The following KCNH8 variants were observed in gnomAD, a reference collection of about 807,000 sequenced individuals.
KCNH8 encodes voltage-gated delayed rectifier potassium channel KCNH8.
In KCNH8, 70 loss-of-function variants were observed where a neutral mutation model predicts 103.6. The observed-to-expected ratio is 0.68, with a 90% CI of 0.56 to 0.82. KCNH8 has a LOEUF of 0.82. Among genes scored for constraint, KCNH8 ranks in the 40% least tolerant of loss-of-function variants. The probability of loss-of-function intolerance (pLI) is 0.00; values close to 1 mark genes in which losing one functional copy is unlikely to be tolerated. For synonymous variants in KCNH8, 498 were observed against 489.4 expected (o/e 1.02, Z -0.23); for missense variants, 1,217 against 1,329.9 (o/e 0.92, Z 1.32).
intron 1 of KCNH8, among the ~76,000 whole-genome samples, chr3:19,239,451 A>G (rs1211480868): frequency 6.6e-6 from 1 of 152,232 alleles, no homozygotes; most frequent in Non-Finnish European, 1.5e-5. Context: ...GATACTTTCA[A>G]ACTGACTTAT....
chr3:19,491,384 T>G (rs2068317849), intron 11 of KCNH8, among the ~76,000 whole-genome samples: 1 of 152,224 alleles, frequency 6.6e-6, no homozygotes, highest in African/African-American at 2.4e-5. Flanking sequence ...TATGTACATG[T>G]GTACTCATTG....
intron 11 of KCNH8, among the ~76,000 whole-genome samples, chr3:19,492,889 T>C (rs1052220653): frequency 6.8e-6 from 1 of 147,130 alleles, no homozygotes; most frequent in Non-Finnish European, 1.5e-5. Context: ...GTGTGTGATT[T>C]CTGACTTCTT....
chr3:19,534,232 A>C lies in KCNH8; in HGVS notation c.*133A>C, dbSNP rs959001129. On this transcript the variant is annotated 3_prime_UTR_variant, in exon 16 of 16. Coordinates refer to ENST00000328405, the MANE Select transcript of KCNH8 (RefSeq NM_144633.3). ...CCTGCAGAAAAGAGTGTGAGGAGCCAGGGAAAGGCAGAACCACCTCCATGC... is the reference window on the plus strand; with the variant it reads ...CCTGCAGAAAAGAGTGTGAGGAGCCCGGGAAAGGCAGAACCACCTCCATGC... The C allele has an allele frequency of 1.2e-5, 8 of 656,308 alleles. No individual in the cohort carries two copies. In the Admixed American group the frequency reaches 2.0e-4, roughly 17 times the overall value. 40.7% of individuals were successfully genotyped at this position (656,308 alleles called of 1,614,324 possible).
intron 5 of KCNH8, among the ~76,000 whole-genome samples, chr3:19,362,319 A>G (rs1408549182): frequency 6.6e-6 from 1 of 151,880 alleles, no homozygotes; most frequent in Non-Finnish European, 1.5e-5. Flanking sequence ...TGAGGATGTG[A>G]CAAGACAGGG....
At chr3:19,247,407 T>C (rs2064220289) in intron 1 of KCNH8, among the ~76,000 whole-genome samples, 1 of 152,210 alleles carries the variant, frequency 6.6e-6, no homozygotes, top group African/African-American at 2.4e-5. Context: ...TCTATCTTCC[T>C]ATACAAAGTA....
At chr3:19,215,389 G>A (rs187230788) in intron 1 of KCNH8, among the ~76,000 whole-genome samples, 1 of 152,288 alleles carries the variant, frequency 6.6e-6, no homozygotes, top group Admixed American at 6.5e-5. Context: ...AGAGACCTGG[G>A]AGAACCATGA....
At chr3:19,304,492 A>T (rs779767573) in intron 3 of KCNH8, among the ~76,000 whole-genome samples, 3 of 152,132 alleles carry the variant, frequency 2.0e-5, no homozygotes, top group African/African-American at 7.2e-5. Flanking sequence ...TACGATATTC[A>T]TGAAATAAAT....
At chr3:19,482,662 G>C (rs1011566679) in intron 11 of KCNH8, among the ~76,000 whole-genome samples, 2 of 152,228 alleles carry the variant, frequency 1.3e-5, no homozygotes, top group East Asian at 3.9e-4. Context: ...CATGGCCTTA[G>C]GATTAAATCC....
chr3:19,155,206 A>T (rs2063169487), intron 1 of KCNH8, among the ~76,000 whole-genome samples: 1 of 152,172 alleles, frequency 6.6e-6, no homozygotes, highest in South Asian at 2.1e-4. Flanking sequence ...CAGCCTCATT[A>T]TTGGCATCAC....
chr3:19,323,095 AT>A (rs1054476281), intron 3 of KCNH8, among the ~76,000 whole-genome samples: 1 of 151,690 alleles, frequency 6.6e-6, no homozygotes, highest in African/African-American at 2.4e-5. Flanking sequence ...CATATCCTGT[AT>A]TTTTTTTATT....
At chr3:19,357,025 G>A (rs2065889442) in intron 5 of KCNH8, among the ~76,000 whole-genome samples, 1 of 151,690 alleles carries the variant, frequency 6.6e-6, no homozygotes, top group South Asian at 2.1e-4. Flanking sequence ...GCAATTTTTT[G>A]TAGGCAGCAG....
At chr3:19,324,500 C>T (rs2065394172) in intron 3 of KCNH8, among the ~76,000 whole-genome samples, 1 of 152,130 alleles carries the variant, frequency 6.6e-6, no homozygotes, top group Non-Finnish European at 1.5e-5. Context: ...CCTTCCTCAA[C>T]ATGTGGGGAT....
In KCNH8 at chr3:19,287,464, T is replaced by G. The variant is rs78265070; in HGVS notation, c.442+6135T>G. 2.8e-3 allele frequency among the ~76,000 whole-genome samples: 421 copies of G among 152,284 alleles called. 6 individuals carry two copies. Among genetic ancestry groups the G allele is most frequent in the African/African-American group, 9.5e-3 (393 of 41,562 alleles). On this transcript the variant is annotated intron_variant, in intron 3 of 15. Coordinates refer to ENST00000328405, the MANE Select transcript of KCNH8 (RefSeq NM_144633.3). Reference sequence around the variant, plus strand: ...CTTTGGGCCATCACATTATTAAAATTAAGGAGACACAATTGTAGCACTTTC... The same window carrying G: ...CTTTGGGCCATCACATTATTAAAATGAAGGAGACACAATTGTAGCACTTTC...
intron 7 of KCNH8, among the ~76,000 whole-genome samples, chr3:19,419,195 G>GTTTTTTTTTTTTTTTT (rs1559318835): frequency 7.8e-6 from 1 of 128,754 alleles, no homozygotes; most frequent in African/African-American, 2.9e-5. Flanking sequence ...AATGGTTTTG[G>GTTTTTTTTTTTTTTTT]TTTTTTTTTT....
rs999504662 is a variant in KCNH8 at position 19,354,008 on chromosome 3, G to C, written c.811+6043G>C. 2.2e-4 allele frequency among the ~76,000 whole-genome samples: 33 copies of C among 152,182 alleles called. 1 individual carries two copies. Among genetic ancestry groups the C allele is most frequent in the East Asian group, 7.7e-4 (4 of 5,174 alleles). On this transcript the variant is annotated intron_variant, in intron 5 of 15. Coordinates refer to ENST00000328405, the MANE Select transcript of KCNH8 (RefSeq NM_144633.3). ...CCCCATTGTCTCAGCCCAAAATCTC[G>C]TTAAGCTGATAAGCAACTTCAGCAA...
chr3:19,314,178 T>A (rs2065243406), intron 3 of KCNH8, among the ~76,000 whole-genome samples: 1 of 151,992 alleles, frequency 6.6e-6, no homozygotes, highest in Non-Finnish European at 1.5e-5. Flanking sequence ...TTCTTTTTTG[T>A]TTGTTCTATA....
At chr3:19,263,297 A>G (rs544973679) in intron 2 of KCNH8, among the ~76,000 whole-genome samples, 1 of 152,258 alleles carries the variant, frequency 6.6e-6, no homozygotes, top group South Asian at 2.1e-4. Flanking sequence ...AGGAAACTCA[A>G]AACAGTTTAT....
chr3:19,484,002 T>C (rs2068145652), intron 11 of KCNH8, among the ~76,000 whole-genome samples: 1 of 152,150 alleles, frequency 6.6e-6, no homozygotes, highest in Admixed American at 6.5e-5. Flanking sequence ...TTTGGTCATA[T>C]AGTCTTTTTT....
In KCNH8 at chr3:19,534,765, GT is replaced by G. The variant is rs1483939929; in HGVS notation, c.*667del. On this transcript the variant is annotated 3_prime_UTR_variant, in exon 16 of 16. Transcript: ENST00000328405. ...AAATGAATGTTTTCTTTTCATTTTG[GT>G]AAAAAAAAAGCTTGCTGTTTTAACA... is the stretch of plus-strand genomic sequence containing the variant. The G allele has an allele frequency of 6.6e-6, 1 of 151,648 alleles. No individual in the cohort carries two copies. The highest frequency in any genetic ancestry group is 1.5e-5 in the Non-Finnish European group (1 of 67,860). The allele number at this position is 151,648 out of a possible 1,614,324, so 9.4% of individuals were successfully genotyped here.
Sources: gnomAD v4.1 joint callset for allele counts (sites outside exome capture counted in the v4.1 genomes callset) on GRCh38, gnomAD v4.1.1 for gene constraint, MANE v1.5 for transcripts, NCBI Gene and HGNC (gene_info 2026-07-23, HGNC 2026-07-21) for gene names.